The following TTLL5 variants were observed in gnomAD, a reference collection of about 807,000 sequenced individuals.
The protein encoded by TTLL5 is tubulin polyglutamylase TTLL5.
Under a neutral mutation model 168.4 loss-of-function variants are expected in TTLL5, and 132 were observed. The ratio of observed to expected loss-of-function variants is 0.78; its 90% confidence interval spans 0.68 to 0.91. The LOEUF is 0.91. TTLL5 is among the 40% of genes least tolerant of loss of function. The pLI, the probability that TTLL5 is intolerant of heterozygous loss-of-function variation, is 0.00. For missense variants in TTLL5, 1,545 were observed against 1,581.5 expected (o/e 0.98, Z 0.39); for synonymous variants, 546 against 558.6 (o/e 0.98, Z 0.32).
chr14:75,797,768 T>C (rs1405696821), intron 27 of TTLL5, among the ~76,000 whole-genome samples: 1 of 152,174 alleles, frequency 6.6e-6, no homozygotes, highest in Non-Finnish European at 1.5e-5. Flanking sequence ...TGAAACTCAC[T>C]TGATGAAGGT....
chr14:75,771,656 A>T, intron 20 of TTLL5, 78 bp from the exon 21 acceptor site: 2 of 1,587,822 alleles, frequency 1.3e-6, no homozygotes, highest in South Asian at 1.2e-5. Context: ...CTCAAAGGCC[A>T]CTTGGAGAGA....
chr14:75,914,017 G>GAAA lies in TTLL5; in HGVS notation c.3823+11808_3823+11810dup, dbSNP rs1201862659. The stretch of plus-strand genomic sequence containing the variant: ...GCGACAGAGGAAGACTGTTTAAAAG[G>GAAA]AAAAAAAAAAAAAAAAATATATATA... On this transcript the variant is annotated intron_variant, in intron 31 of 31. Coordinates refer to ENST00000298832, the MANE Select transcript of TTLL5 (RefSeq NM_015072.5). Among the ~76,000 whole-genome samples the GAAA allele has an allele frequency of 6.4e-4, 20 of 31,040 alleles. 1 individual carries two copies. Among genetic ancestry groups the GAAA allele is most frequent in the African/African-American group, 1.6e-3 (7 of 4,258 alleles). 20.4% of individuals were successfully genotyped at this position (31,040 alleles called of 152,430 possible).
chr14:75,953,051 AAATC>A, intron 31 of TTLL5, among the ~76,000 whole-genome samples: 1 of 152,356 alleles, frequency 6.6e-6, no homozygotes, highest in South Asian at 2.1e-4. Context: ...GTTTTTTAAA[AAATC>A]AATAACAATT....
chr14:75,806,060 A>C, intron 27 of TTLL5, among the ~76,000 whole-genome samples: 5 of 141,138 alleles, frequency 3.5e-5, no homozygotes, highest in East Asian at 4.1e-4. Context: ...ATGCAGTCTC[A>C]CTCTGTTGCT....
intron 31 of TTLL5, among the ~76,000 whole-genome samples, chr14:75,926,027 G>A (rs1381457499): frequency 6.7e-6 from 1 of 149,202 alleles, no homozygotes; most frequent in Non-Finnish European, 1.5e-5. Flanking sequence ...CTTGGCATCA[G>A]AGGGAGACCG....
intron 12 of TTLL5, among the ~76,000 whole-genome samples, chr14:75,726,380 A>G (rs1888185661): frequency 6.6e-6 from 1 of 152,118 alleles, no homozygotes; most frequent in African/African-American, 2.4e-5. Context: ...GTCTTTCTCA[A>G]AAACTATGCA....
intron 18 of TTLL5, among the ~76,000 whole-genome samples, chr14:75,759,912 T>A (rs2140287602): frequency 6.6e-6 from 1 of 152,234 alleles, no homozygotes; most frequent in East Asian, 1.9e-4. Flanking sequence ...TATCATCATA[T>A]TCAGTAAAAT....
intron 30 of TTLL5, among the ~76,000 whole-genome samples, chr14:75,885,925 A>G (rs573756674): frequency 1.3e-5 from 2 of 152,346 alleles, no homozygotes; most frequent in South Asian, 4.1e-4. Flanking sequence ...AGAAATTTTC[A>G]TGTAAATTTT....
chr14:75,745,101 C>T lies in TTLL5; in HGVS notation c.1288C>T (p.Arg430Cys), dbSNP rs766847101. The change falls in exon 16 of 32, where the codon CGT becomes TGT. Residue 430 changes from arginine (R) to cysteine (C), a missense_variant. Transcript: ENST00000298832. ...RNPFQKPQRC[R>C]PLSASDAEMK... is the part of the protein sequence containing the mutation. ...TTCATTTTCTTCTCCTTAGCGTTGC[C>T]GTCCACTCTCTGCCAGTGATGCGGA... The T allele has an allele frequency of 1.9e-5, 30 of 1,613,512 alleles. No homozygotes were observed. The East Asian group carries it at 3.8e-4, about 20-fold the overall frequency.
At chr14:75,867,549 C>G (rs1262187107) in intron 29 of TTLL5, among the ~76,000 whole-genome samples, 1 of 152,084 alleles carries the variant, frequency 6.6e-6, no homozygotes, top group Non-Finnish European at 1.5e-5. Flanking sequence ...ATCACAAGGT[C>G]AGGAGTTCGA....
intron 31 of TTLL5, among the ~76,000 whole-genome samples, chr14:75,938,179 A>C (rs1468564642): frequency 6.6e-6 from 1 of 152,240 alleles, no homozygotes; most frequent in Non-Finnish European, 1.5e-5. Context: ...TAGAATTTTC[A>C]AAGTCAAGTT....
chr14:75,776,872 TA>T, intron 23 of TTLL5, 22 bp downstream of exon 23: 1 of 1,578,518 alleles, frequency 6.3e-7, no homozygotes, highest in Non-Finnish European at 8.7e-7. Context: ...TCTTGATTGA[TA>T]AAAGCTGTCT....
At chr14:75,712,609 T>C (rs1157073900) in intron 9 of TTLL5, 1 of 151,922 alleles carries the variant, frequency 6.6e-6, no homozygotes, top group Non-Finnish European at 1.5e-5. Flanking sequence ...GCTTTCCTTC[T>C]TGTTTTGGTT....
At chr14:75,691,830 T>C (rs1476046563) in intron 6 of TTLL5, among the ~76,000 whole-genome samples, 1 of 152,252 alleles carries the variant, frequency 6.6e-6, no homozygotes, top group African/African-American at 2.4e-5. Flanking sequence ...TCTTTTAACA[T>C]GTTAGGCTTG....
chr14:75,686,245 T>C (rs1885038836), intron 5 of TTLL5, among the ~76,000 whole-genome samples: 1 of 152,200 alleles, frequency 6.6e-6, no homozygotes, highest in Non-Finnish European at 1.5e-5. Context: ...TTTGGAGTAC[T>C]GTACACAAGA....
chr14:75,681,752 C>G (rs1261841864), intron 4 of TTLL5, 125 bp downstream of exon 4: 2 of 703,188 alleles, frequency 2.8e-6, no homozygotes, highest in Non-Finnish European at 4.8e-6. Context: ...TAGTGGTGGT[C>G]CAGAACTCAG....
At chr14:75,835,870 G>A (rs1054573541) in intron 28 of TTLL5, among the ~76,000 whole-genome samples, 4 of 152,114 alleles carry the variant, frequency 2.6e-5, no homozygotes, top group Admixed American at 1.3e-4. Flanking sequence ...AGTTAAAATG[G>A]CTTATATCCA....
At chr14:75,907,827 A>T (rs1445985453) in intron 31 of TTLL5, among the ~76,000 whole-genome samples, 1 of 152,250 alleles carries the variant, frequency 6.6e-6, no homozygotes, top group East Asian at 1.9e-4. Flanking sequence ...GACTAAAGCA[A>T]GAAGGTCAGT....
intron 31 of TTLL5, among the ~76,000 whole-genome samples, chr14:75,914,067 A>T (rs1003074178): frequency 5.9e-4 from 72 of 122,630 alleles, no homozygotes; most frequent in African/African-American, 2.4e-3. Context: ...TTATCCCCTA[A>T]GGGCCCAGTT....
Sources: gnomAD v4.1 joint callset for allele counts (sites outside exome capture counted in the v4.1 genomes callset) on GRCh38, gnomAD v4.1.1 for gene constraint, MANE v1.5 for transcripts, NCBI Gene and HGNC (gene_info 2026-07-23, HGNC 2026-07-21) for gene names.